TMEM135: variants seen among roughly 807,000 people sequenced by gnomAD.
TMEM135 encodes the protein transmembrane protein 135.
Under a neutral mutation model 60.3 loss-of-function variants are expected in TMEM135, and 30 were observed. The ratio of observed to expected loss-of-function variants is 0.50; its 90% CI spans 0.37 to 0.68. The LOEUF is 0.68. TMEM135 is among the 30% of genes least tolerant of loss of function. The pLI is 0.00. For synonymous variants in TMEM135, 190 were observed against 186.7 expected, an observed-to-expected ratio of 1.02 and a Z score of -0.14; for missense variants, 468 against 548.8, an observed-to-expected ratio of 0.85 and a Z score of 1.47.
At chr11:87,149,278 A>G (rs1174964961) in intron 4 of TMEM135, among the ~76,000 whole-genome samples, 1 of 152,154 alleles carries the variant, frequency 6.6e-6, no homozygotes, top group Non-Finnish European at 1.5e-5. Context: ...GTGTTTTTCA[A>G]CTTTAGCTGG....
intron 5 of TMEM135, among the ~76,000 whole-genome samples, chr11:87,231,737 T>A (rs1256581232): frequency 6.6e-6 from 1 of 152,126 alleles, no homozygotes; most frequent in Non-Finnish European, 1.5e-5. Context: ...TAAAAAGAGT[T>A]ATCATAACTG....
At chr11:87,309,856 ATAT>A (rs1942611731) in intron 10 of TMEM135, among the ~76,000 whole-genome samples, 184 bp downstream of exon 10, 2 of 152,260 alleles carry the variant, frequency 1.3e-5, no homozygotes, top group South Asian at 4.1e-4. Context: ...TTCTTTTAAA[ATAT>A]TATTTAATAT....
chr11:87,193,817 A>G (rs1201636774), intron 5 of TMEM135, among the ~76,000 whole-genome samples: 1 of 149,562 alleles, frequency 6.7e-6, no homozygotes, highest in African/African-American at 2.4e-5. Flanking sequence ...ATATGAAGTC[A>G]TACATTATAC....
chr11:87,307,598 A>G (rs1180209144), intron 9 of TMEM135, among the ~76,000 whole-genome samples: 1 of 152,208 alleles, frequency 6.6e-6, no homozygotes, highest in Non-Finnish European at 1.5e-5. Context: ...TTTCCAAGCA[A>G]TAAAAAACTA....
chr11:87,065,176 C>G (rs1260531252), intron 1 of TMEM135, among the ~76,000 whole-genome samples: 1 of 152,144 alleles, frequency 6.6e-6, no homozygotes, highest in Non-Finnish European at 1.5e-5. Flanking sequence ...TTTGTATAAG[C>G]ATATGTTTTT....
At chr11:87,296,919 T>A (rs1435484063) in intron 7 of TMEM135, among the ~76,000 whole-genome samples, 34 of 152,082 alleles carry the variant, frequency 2.2e-4, no homozygotes, top group Admixed American at 2.2e-3. Context: ...ATATAAAATA[T>A]TTTTTGATAT....
chr11:87,142,449 T>G (rs2135247092), intron 4 of TMEM135, among the ~76,000 whole-genome samples: 1 of 152,242 alleles, frequency 6.6e-6, no homozygotes, highest in East Asian at 1.9e-4. Context: ...AATTATTATT[T>G]CATTTGCATT....
At position 87,057,817 on chromosome 11, in the gene TMEM135, T is replaced by TGTGTGTGTGTGTG. The variant is rs34314691; in HGVS notation, c.142-9877_142-9876insGTGTGTGTGTGTG. On this transcript the variant is annotated intron_variant, in intron 1 of 14. Coordinates refer to ENST00000305494, the MANE Select transcript of TMEM135 (RefSeq NM_022918.4). ...CCTCTGTGTGTGTGTGTGTGTGTGT[T>TGTGTGTGTGTGTG]TGTGTGTGTGTATAAAATAAGGAAT... Among the ~76,000 whole-genome samples the TGTGTGTGTGTGTG allele has an allele frequency of 2.5e-3, 378 of 149,368 alleles. 3 individuals are homozygous for TGTGTGTGTGTGTG. The highest frequency in any genetic ancestry group is 9.0e-3 in the African/African-American group (361 of 40,130).
intron 6 of TMEM135, among the ~76,000 whole-genome samples, chr11:87,246,895 G>C (rs1189238128): frequency 1.6e-5 from 2 of 126,758 alleles, no homozygotes; most frequent in African/African-American, 6.0e-5. Flanking sequence ...TTGCTGGTGA[G>C]GAGCTGCGTT....
intron 3 of TMEM135, among the ~76,000 whole-genome samples, chr11:87,079,549 C>A (rs1213444818): frequency 6.6e-6 from 1 of 151,926 alleles, no homozygotes; most frequent in East Asian, 2.0e-4. Flanking sequence ...TCTATACAGA[C>A]AATTATGTTA....
intron 5 of TMEM135, among the ~76,000 whole-genome samples, chr11:87,222,115 G>A (rs1940634041): frequency 7.4e-6 from 1 of 134,510 alleles, no homozygotes; most frequent in African/African-American, 2.7e-5. Flanking sequence ...CCGGGGGGCG[G>A]AGCTTGCAGT....
At chr11:87,159,894 T>A (rs879716698) in intron 5 of TMEM135, among the ~76,000 whole-genome samples, 7 of 152,126 alleles carry the variant, frequency 4.6e-5, no homozygotes, top group Non-Finnish European at 7.3e-5. Flanking sequence ...GTTAATAATT[T>A]AAAGGATTAT....
chr11:87,151,490 T>C (rs1938554663), intron 4 of TMEM135, among the ~76,000 whole-genome samples: 1 of 152,156 alleles, frequency 6.6e-6, no homozygotes, highest in Non-Finnish European at 1.5e-5. Context: ...TTTATTTTGC[T>C]CTGTCTTTCC....
intron 4 of TMEM135, among the ~76,000 whole-genome samples, chr11:87,142,946 A>G (rs1408769567): frequency 6.6e-6 from 1 of 150,400 alleles, no homozygotes; most frequent in Non-Finnish European, 1.5e-5. Context: ...TGGGACCTCA[A>G]TTACATGCAT....
At chr11:87,278,336 A>AT (rs1284803168) in intron 6 of TMEM135, among the ~76,000 whole-genome samples, 4 of 150,378 alleles carry the variant, frequency 2.7e-5, no homozygotes, top group Non-Finnish European at 4.4e-5. Flanking sequence ...AAAATATATA[A>AT]TTTTTTACCT....
At chr11:87,053,103 G>A (rs949675153) in intron 1 of TMEM135, among the ~76,000 whole-genome samples, 1 of 118,022 alleles carries the variant, frequency 8.5e-6, no homozygotes, top group African/African-American at 3.7e-5. Flanking sequence ...TCAAAGCTGG[G>A]AATTGAACAA....
At chr11:87,212,650 T>C (rs1940399066) in intron 5 of TMEM135, among the ~76,000 whole-genome samples, 1 of 151,876 alleles carries the variant, frequency 6.6e-6, no homozygotes, top group Non-Finnish European at 1.5e-5. Context: ...CGCAAAACCC[T>C]GTCTGCACCA....
At chr11:87,290,894 CAT>C (rs1565158956) in intron 6 of TMEM135, among the ~76,000 whole-genome samples, 3 of 151,978 alleles carry the variant, frequency 2.0e-5, no homozygotes, top group African/African-American at 7.3e-5. Flanking sequence ...GAAAAGTCTA[CAT>C]ATATGAGTTA....
intron 6 of TMEM135, among the ~76,000 whole-genome samples, chr11:87,287,335 T>C (rs1347443484): frequency 2.6e-5 from 4 of 152,214 alleles, no homozygotes; most frequent in Non-Finnish European, 5.9e-5. Flanking sequence ...TCCTTCTAGT[T>C]TAATGAGTAA....
Sources: allele counts gnomAD v4.1 joint callset (sites outside exome capture counted in the v4.1 genomes callset), GRCh38; gene constraint gnomAD v4.1.1; transcripts MANE v1.5; gene names NCBI Gene and HGNC (gene_info 2026-07-23, HGNC 2026-07-21).